MMP8: variants seen among roughly 807,000 people sequenced by gnomAD.
MMP8 encodes neutrophil collagenase.
Under a neutral mutation model 51.2 loss-of-function variants are expected in MMP8, and 67 were observed. The observed-to-expected ratio is 1.31, with a 90% CI of 1.08 to 1.60. MMP8 has a LOEUF of 1.60. Ranked by LOEUF, MMP8 falls within the 40% of genes most tolerant of loss-of-function variation. The pLI is 0.00. For synonymous variants in MMP8, 225 were observed against 191.0 expected (o/e 1.18, Z -1.47); for missense variants, 654 against 558.1 (o/e 1.17, Z -1.73).
intron 7 of MMP8, 131 bp downstream of exon 7, chr11:102,715,173 A>T: frequency 8.9e-7 from 1 of 1,118,146 alleles, no homozygotes; most frequent in Non-Finnish European, 1.2e-6. Flanking sequence ...GCCCAACCCT[A>T]GTCTTCTGGC....
chr11:102,715,400 C>T lies in MMP8; in HGVS notation c.940G>A (p.Glu314Lys), dbSNP rs562264919. 2.6e-5 allele frequency: 42 copies of T among 1,613,624 alleles called. No individual in the cohort carries two copies. Among genetic ancestry groups the T allele is most frequent in the East Asian group, 1.1e-4 (5 of 44,842 alleles). ...CAGAATAGAGAAATAAAATTCATTT[C>T]GACTCTTTGTAGCTGAGGATGCCTT... ...WRRHPQLQRV[E>K]MNFISLFWPS... The change falls in exon 7 of 10, where the codon GAA (glutamate) becomes AAA (lysine). Residue 314 changes from glutamate (E) to lysine (K), a missense_variant. Coordinates refer to ENST00000236826, the MANE Select transcript of MMP8 (RefSeq NM_002424.3).
chr11:102,722,525 TC>T lies in MMP8; in HGVS notation c.250del (p.Asp84ThrfsTer2). The T allele has an allele frequency of 6.2e-7, 1 of 1,613,962 alleles. No homozygotes were observed. ...TCCACAGCGAGGCTTTTTCATCATGTCCAGAGTTTCCTCATTTGGCTTCCCC... is the reference window on the plus strand; with the variant it reads ...TCCACAGCGAGGCTTTTTCATCATGTCAGAGTTTCCTCATTTGGCTTCCCC... The part of the protein sequence containing the change: ...VTGKPNEETL[D>X]MMKKPRCGVP... On this transcript the variant is annotated frameshift_variant, in exon 2 of 10. Transcript: ENST00000236826. LOFTEE classifies it high-confidence loss of function.
At position 102,714,710 on chromosome 11, in the gene MMP8, C is replaced by T. The variant is rs764161251; in HGVS notation, c.1037-1G>A. ...CCACTCAGAGCCCAGTATTGGTTGCCTGTCAATGATTCAGGTTAAGTGTTA... is the reference window on the plus strand; with the variant it reads ...CCACTCAGAGCCCAGTATTGGTTGCTTGTCAATGATTCAGGTTAAGTGTTA... On this transcript the variant is annotated splice_acceptor_variant, in intron 7 of 9. Transcript: ENST00000236826. LOFTEE classifies it high-confidence loss of function. 4.7e-6 allele frequency: 7 copies of T among 1,483,258 alleles called. No individual in the cohort carries two copies. The highest frequency in any genetic ancestry group is 4.4e-5 in the South Asian group (3 of 68,686). 91.9% of individuals were successfully genotyped at this position (1,483,258 alleles called of 1,614,324 possible).
chr11:102,718,242 A>G (rs534025776), intron 5 of MMP8, among the ~76,000 whole-genome samples, 172 bp downstream of exon 5: 1 of 152,296 alleles, frequency 6.6e-6, no homozygotes, highest in African/African-American at 2.4e-5. Flanking sequence ...TAGGGCAGCA[A>G]TAGAGGCTCA....
chr11:102,721,185 A>G (rs1390133141), intron 4 of MMP8, among the ~76,000 whole-genome samples: 1 of 152,214 alleles, frequency 6.6e-6, no homozygotes, highest in Non-Finnish European at 1.5e-5. Flanking sequence ...CCTAAGAAGT[A>G]AGGTCAGTAA....
chr11:102,712,739 C>G lies in MMP8; in HGVS notation c.*609G>C, dbSNP rs1861161392. On this transcript the variant is annotated 3_prime_UTR_variant, in exon 10 of 10. Coordinates refer to ENST00000236826, the MANE Select transcript of MMP8 (RefSeq NM_002424.3). ...CCACCCTAATTCAGTGTGATCTCAC[C>G]TTAACTTAACTAATTACATCTGCAA... 6.6e-6 allele frequency: 1 copy of G among 152,218 alleles called. No individual in the cohort carries two copies. The highest frequency in any genetic ancestry group is 1.5e-5 in the Non-Finnish European group (1 of 68,092). 9.4% of individuals were successfully genotyped at this position (152,218 alleles called of 1,614,324 possible).
intron 1 of MMP8, among the ~76,000 whole-genome samples, chr11:102,724,420 A>G (rs1163939829): frequency 1.3e-5 from 2 of 152,244 alleles, no homozygotes; most frequent in African/African-American, 4.8e-5. Flanking sequence ...GATTGCAGAT[A>G]TCCTGGAAGG....
chr11:102,722,714 A>G lies in MMP8; in HGVS notation c.103-41T>C, dbSNP rs536621497. ...CACATAGGGGTCTTGCTGTGAAAGG[A>G]CCTCCAGTTCTCTGGTCATTTTGCA... On this transcript the variant is annotated intron_variant, in intron 1 of 9. Transcript: ENST00000236826. The G allele has an allele frequency of 3.1e-6, 5 of 1,605,282 alleles. 1 individual carries two copies. In the South Asian group the frequency reaches 4.4e-5, roughly 14 times the overall value.
intron 8 of MMP8, among the ~76,000 whole-genome samples, chr11:102,714,121 C>T (rs1189498369): frequency 6.6e-6 from 1 of 152,104 alleles, no homozygotes; most frequent in Non-Finnish European, 1.5e-5. Flanking sequence ...ATTTTCAAGG[C>T]TTTTACTTAA....
In MMP8 at chr11:102,721,428, C is replaced by T. The variant is rs563802778; in HGVS notation, c.595G>A (p.Glu199Lys). The T allele has an allele frequency of 4.4e-5, 71 of 1,613,612 alleles. No individual in the cohort carries two copies. In the Middle Eastern group the frequency reaches 6.6e-4, roughly 15 times the overall value. ...GIGGDAHFDA[E>K]ETWTNTSANY... ...GCGGAGGTGTTGGTCCATGTTTCTT[C>T]GGCATCAAAATGAGCATCTCCTCCA... Residue 199 changes from glutamate to lysine, a missense_variant, in exon 4 of 10, where the codon GAA (glutamate) becomes AAA (lysine). Glu to Lys is a moderately conservative substitution (Grantham distance 56). Transcript: ENST00000236826.
At chr11:102,718,647 T>A in intron 4 of MMP8, 72 bp from the exon 5 acceptor site, 1 of 1,569,370 alleles carries the variant, frequency 6.4e-7, no homozygotes, top group Non-Finnish European at 8.7e-7. Context: ...TCTCAAGGAA[T>A]GCAACCTCCA....
rs1861177542 is a variant in MMP8, at chr11:102,713,266, A to C, written c.*82T>G. ...ATGACTTAATATTGAGAAAAGTATA[A>C]GCAGGACACAATGTAACGAAAATGC... On this transcript the variant is annotated 3_prime_UTR_variant, in exon 10 of 10. Transcript: ENST00000236826. The C allele has an allele frequency of 3.4e-6, 3 of 891,342 alleles. No individual in the cohort carries two copies. In the African/African-American group the frequency reaches 5.0e-5, roughly 15 times the overall value. 55.2% of individuals were successfully genotyped at this position (891,342 alleles called of 1,614,324 possible).
intron 4 of MMP8, 62 bp from the exon 5 acceptor site, chr11:102,718,637 T>A: frequency 6.3e-7 from 1 of 1,592,392 alleles, no homozygotes; most frequent in Middle Eastern, 1.7e-4. Context: ...AGAAACATGA[T>A]CTCAAGGAAT....
rs1252102571 is a variant in MMP8 at position 102,714,592 on chromosome 11, C to A, written c.1154G>T (p.Ser385Ile). The change falls in exon 8 of 10, where the codon AGT becomes ATT. Residue 385 changes from serine to isoleucine, a missense_variant. By Grantham distance (142) the Ser-to-Ile change is moderately radical. Transcript: ENST00000236826. ...GTCATTTACAAAGAAGTATGTTTTA[C>A]TTCTGTAGAAAACAGCTGCGTCAAT... is the stretch of plus-strand genomic sequence containing the variant. ...QAIDAAVFYR[S>I]KTYFFVNDQF... The A allele has an allele frequency of 4.0e-6, 6 of 1,513,542 alleles. No homozygotes were observed. The highest frequency in any genetic ancestry group is 5.3e-6 in the Non-Finnish European group (6 of 1,133,584). 93.8% of individuals were successfully genotyped at this position (1,513,542 alleles called of 1,614,324 possible).
At chr11:102,717,290 T>C (rs1377132239) in intron 5 of MMP8, among the ~76,000 whole-genome samples, 1 of 152,220 alleles carries the variant, frequency 6.6e-6, no homozygotes, top group Non-Finnish European at 1.5e-5. Flanking sequence ...GATGTAATGG[T>C]CTTATCCAGG....
intron 3 of MMP8, 25 bp from the exon 4 acceptor site, chr11:102,721,551 A>G (rs1861471672): frequency 6.2e-7 from 1 of 1,613,496 alleles, no homozygotes; most frequent in Non-Finnish European, 8.5e-7. Context: ...TTTGTATTAG[A>G]TCCTTGCCAA....
In MMP8 at chr11:102,718,451, G is replaced by A; in HGVS notation, c.747C>T (p.Leu249=). 1 of 1,613,378 alleles carries A rather than the reference G, an allele frequency of 6.2e-7. No homozygotes were observed. The highest frequency in any genetic ancestry group is 8.5e-7 in the Non-Finnish European group (1 of 1,179,708). The stretch of plus-strand genomic sequence containing the variant: ...GAATGCCATCGATGTCATCTTGAGG[G>A]AGTGAGTAGTTGCTGGTTTCCCTGA... The part of the protein sequence containing the change: ...YAFRETSNYS[L]PQDDIDGIQA... The change falls in exon 5 of 10, where the codon CTC becomes CTT. Residue 249 remains leucine, a synonymous_variant. Coordinates refer to ENST00000236826, the MANE Select transcript of MMP8 (RefSeq NM_002424.3).
In MMP8 at chr11:102,722,565, C is replaced by G. The variant is rs1337466104; in HGVS notation, c.211G>C (p.Gly71Arg). The G allele has an allele frequency of 2.5e-6, 4 of 1,613,754 alleles. No homozygotes were observed. The highest frequency in any genetic ancestry group is 1.7e-5 in the Admixed American group (1 of 59,972). ...TTTGGCTTCCCCGTCACATTCAACC[C>G]AAAAAATCGCTGCATTTCTTTAAGC... is the stretch of plus-strand genomic sequence containing the variant. Reference protein sequence around the residue: ...EKLKEMQRFFGLNVTGKPNEE... With the variant: ...EKLKEMQRFFRLNVTGKPNEE... The change falls in exon 2 of 10, where the codon GGG (glycine) becomes CGG (arginine). Residue 71 changes from glycine to arginine, a missense_variant. Coordinates refer to ENST00000236826, the MANE Select transcript of MMP8 (RefSeq NM_002424.3).
intron 1 of MMP8, among the ~76,000 whole-genome samples, chr11:102,724,137 G>T (rs1455861555): frequency 6.6e-6 from 1 of 152,130 alleles, no homozygotes; most frequent in Non-Finnish European, 1.5e-5. Context: ...AGAAAACTGT[G>T]CATGAGAGAT....
Sources: allele counts gnomAD v4.1 joint callset (sites outside exome capture counted in the v4.1 genomes callset), GRCh38; gene constraint gnomAD v4.1.1; transcripts MANE v1.5; gene names NCBI Gene and HGNC (gene_info 2026-07-23, HGNC 2026-07-21).